The following HERPUD2 variants were observed in gnomAD, a reference collection of about 807,000 sequenced individuals.
The protein encoded by HERPUD2 is homocysteine-responsive endoplasmic reticulum-resident ubiquitin-like domain member 2 protein.
Under a neutral mutation model 49.9 loss-of-function variants are expected in HERPUD2, and 13 were observed. The ratio of observed to expected loss-of-function variants is 0.26; its 90% CI spans 0.17 to 0.41. The LOEUF (loss-of-function observed/expected upper bound fraction) is 0.41, where lower values mean the gene tolerates loss of function less well. Among genes scored for constraint, HERPUD2 ranks in the 10% least tolerant of loss-of-function variants. The pLI is 1.00. For missense variants in HERPUD2, 449 were observed against 492.2 expected (o/e 0.91, Z 0.83); for synonymous variants, 172 against 171.4 (o/e 1.00, Z -0.03).
At chr7:35,680,780 T>C (rs745555917) in intron 2 of HERPUD2, among the ~76,000 whole-genome samples, 23 of 152,236 alleles carry the variant, frequency 1.5e-4, no homozygotes, top group Non-Finnish European at 2.4e-4. Context: ...TTTATATCCT[T>C]TGTAACACAA....
intron 2 of HERPUD2, among the ~76,000 whole-genome samples, chr7:35,679,665 G>T (rs1213218428): frequency 6.6e-6 from 1 of 152,084 alleles, no homozygotes; most frequent in African/African-American, 2.4e-5. Context: ...TAAACATTAG[G>T]GTTCTTCAGA....
At chr7:35,679,807 C>T (rs1785840408) in intron 2 of HERPUD2, among the ~76,000 whole-genome samples, 1 of 152,152 alleles carries the variant, frequency 6.6e-6, no homozygotes, top group African/African-American at 2.4e-5. Context: ...CATTTCAATT[C>T]CCAATTCCCT....
At chr7:35,634,524 A>G (rs1419048616) in intron 7 of HERPUD2, 95 bp from the exon 8 acceptor site, 5 of 704,532 alleles carry the variant, frequency 7.1e-6, no homozygotes, top group African/African-American at 1.8e-5. Flanking sequence ...GAGAAAAATG[A>G]TTAAAACTAT....
At chr7:35,636,399 C>T (rs1490831949) in intron 6 of HERPUD2, among the ~76,000 whole-genome samples, 1 of 152,190 alleles carries the variant, frequency 6.6e-6, no homozygotes, top group Non-Finnish European at 1.5e-5. Flanking sequence ...TTAGAAAACA[C>T]TTCCTACTTC....
intron 2 of HERPUD2, among the ~76,000 whole-genome samples, chr7:35,685,153 A>G (rs1786009395): frequency 6.6e-6 from 1 of 151,550 alleles, no homozygotes; most frequent in Non-Finnish European, 1.5e-5. Flanking sequence ...GGGTAGGAGG[A>G]TCACTTTAGC....
Position 35,633,624 on chromosome 7 carries a change from T to C in HERPUD2, c.*66A>G, listed in dbSNP as rs1449161104. On this transcript the variant is annotated 3_prime_UTR_variant, in exon 9 of 9. Coordinates refer to ENST00000311350, the MANE Select transcript of HERPUD2 (RefSeq NM_022373.5). ...AAGAAAGTTATAAATTTTTTTGAAA[T>C]TGCACTGTTATTTAAACCACTTTCC... The C allele has an allele frequency of 3.4e-5, 49 of 1,434,946 alleles. No homozygotes were observed. The highest frequency in any genetic ancestry group is 4.5e-5 in the Non-Finnish European group (47 of 1,056,124). 88.9% of individuals were successfully genotyped at this position (1,434,946 alleles called of 1,614,324 possible). A position where few individuals can be genotyped will look rare whatever the true frequency, so the allele number is the denominator to read the frequency against.
At chr7:35,691,617 AG>A (rs1200524231) in intron 2 of HERPUD2, among the ~76,000 whole-genome samples, 2 of 152,348 alleles carry the variant, frequency 1.3e-5, no homozygotes, top group South Asian at 2.1e-4. Context: ...CATATGTGCA[AG>A]GAAGATGCAC....
chr7:35,646,281 G>C (rs1192720341), intron 5 of HERPUD2, among the ~76,000 whole-genome samples: 1 of 152,130 alleles, frequency 6.6e-6, no homozygotes, highest in Non-Finnish European at 1.5e-5. Context: ...AGGATAATGA[G>C]CTGGGCACAG....
intron 3 of HERPUD2, 104 bp downstream of exon 3, chr7:35,673,097 G>T (rs1583561843): frequency 1.3e-6 from 1 of 768,828 alleles, no homozygotes; most frequent in South Asian, 1.7e-5. Flanking sequence ...CAAAGGGATT[G>T]ATTTTAAGTA....
At position 35,647,234 on chromosome 7, in the gene HERPUD2, G is replaced by A. The variant is rs1785071349; in HGVS notation, c.495-8762C>T. On this transcript the variant is annotated intron_variant, in intron 5 of 8. Transcript: ENST00000311350. Reference sequence around the variant, plus strand: ...CCAGAAGCCTCCTTTTCAAGACTCTGCGATTGCTTTATTCTCCCTATTAAC... The same window carrying A: ...CCAGAAGCCTCCTTTTCAAGACTCTACGATTGCTTTATTCTCCCTATTAAC... Among the ~76,000 whole-genome samples, 5 of 151,992 alleles carry A rather than the reference G, an allele frequency of 3.3e-5. No individual in the cohort carries two copies. In the South Asian group the frequency reaches 1.0e-3, roughly 32 times the overall value.
At chr7:35,672,153 T>C (rs1785657023) in intron 3 of HERPUD2, among the ~76,000 whole-genome samples, 1 of 151,808 alleles carries the variant, frequency 6.6e-6, no homozygotes, top group South Asian at 2.1e-4. Context: ...TACTTTGGTG[T>C]GGGATGCTGA....
At chr7:35,670,658 C>T (rs1428047923) in intron 3 of HERPUD2, among the ~76,000 whole-genome samples, 1 of 152,044 alleles carries the variant, frequency 6.6e-6, no homozygotes, top group Non-Finnish European at 1.5e-5. Context: ...ACATCTAGCA[C>T]CTTAAACTTT....
rs189729834 is a variant in HERPUD2, at chr7:35,649,244, C to T, written c.495-10772G>A. Among the ~76,000 whole-genome samples, 34 of 149,964 alleles carry T rather than the reference C, an allele frequency of 2.3e-4. 1 individual carries two copies. The East Asian group carries it at 5.8e-3, about 26-fold the overall frequency. The stretch of plus-strand genomic sequence containing the variant: ...CCAGCCTGGGCGACAGAGCGAGACT[C>T]CATCTCTGAAAAAAAAAAAAAAAAG... On this transcript the variant is annotated intron_variant, in intron 5 of 8. Coordinates refer to ENST00000311350, the MANE Select transcript of HERPUD2 (RefSeq NM_022373.5).
Position 35,685,962 on chromosome 7 carries a change from AAATAAAT to A in HERPUD2, c.147+8215_147+8221del, listed in dbSNP as rs534616739. ...GACAACAGAGCGAGACCCTGTCTCT[AAATAAAT>A]AAATAAATAAATAAATAAATAACTT... On this transcript the variant is annotated intron_variant, in intron 2 of 8. Transcript: ENST00000311350. Among the ~76,000 whole-genome samples, 618 of 151,080 alleles carry A rather than the reference AAATAAAT, an allele frequency of 4.1e-3. 3 individuals are homozygous for A. Among genetic ancestry groups the A allele is most frequent in the African/African-American group, 0.013 (536 of 41,086 alleles).
At chr7:35,637,694 A>G (rs1180462062) in intron 6 of HERPUD2, among the ~76,000 whole-genome samples, 4 of 152,112 alleles carry the variant, frequency 2.6e-5, no homozygotes, top group African/African-American at 9.7e-5. Context: ...TCTACCGACT[A>G]TGAGTGCTGA....
In HERPUD2 at chr7:35,678,578, G is replaced by C. The variant is rs965151399; in HGVS notation, c.148-5300C>G. 3.9e-5 allele frequency among the ~76,000 whole-genome samples: 6 copies of C among 152,300 alleles called. No individual in the cohort carries two copies. The South Asian group carries it at 8.3e-4, about 21-fold the overall frequency. ...AGCCCCCTAAAGCGCTGGGATTACA[G>C]GCGCGAGCCACCACGCCCAGCCTAA... is the stretch of plus-strand genomic sequence containing the variant. On this transcript the variant is annotated intron_variant, in intron 2 of 8. Transcript: ENST00000311350.
At chr7:35,694,113 AG>A in intron 2 of HERPUD2, 70 bp downstream of exon 2, 1 of 1,519,986 alleles carries the variant, frequency 6.6e-7, no homozygotes. Context: ...GGGGAGAAGC[AG>A]GAAAAAGGAG....
At chr7:35,649,699 T>C (rs905340435) in intron 5 of HERPUD2, among the ~76,000 whole-genome samples, 2 of 152,194 alleles carry the variant, frequency 1.3e-5, no homozygotes, top group African/African-American at 2.4e-5. Flanking sequence ...GGTGAATTAT[T>C]ATCAATAGAA....
intron 2 of HERPUD2, among the ~76,000 whole-genome samples, chr7:35,688,312 C>G (rs1786107736): frequency 6.6e-6 from 1 of 152,202 alleles, no homozygotes; most frequent in African/African-American, 2.4e-5. Flanking sequence ...GCCTCTACCC[C>G]TTATCTCCTT....
Sources: allele counts gnomAD v4.1 joint callset (sites outside exome capture counted in the v4.1 genomes callset), GRCh38; gene constraint gnomAD v4.1.1; transcripts MANE v1.5; gene names NCBI Gene and HGNC (gene_info 2026-07-23, HGNC 2026-07-21).